Variants in XKR9 observed in about 807,000 individuals in gnomAD.
The protein encoded by XKR9 is XK-related protein 9.
In XKR9, 32 loss-of-function variants were observed where a neutral mutation model predicts 32.0. The ratio of observed to expected loss-of-function variants is 1.00; its 90% CI spans 0.76 to 1.34. The LOEUF is 1.34. Ranked by LOEUF, XKR9 falls within the 40% of genes most tolerant of loss-of-function variation. The pLI is 0.00. For synonymous variants in XKR9, 168 were observed against 143.4 expected (o/e 1.17, Z -1.22); for missense variants, 546 against 429.7 (o/e 1.27, Z -2.39).
At chr8:70,785,733 CTCTCTCTATA>C (rs1254352100) in intron 2 of XKR9, among the ~76,000 whole-genome samples, 5 of 112,156 alleles carry the variant, frequency 4.5e-5, no homozygotes, top group East Asian at 4.0e-4. Context: ...CTCTCTCTCT[CTCTCTCTATA>C]TATATATATA....
chr8:70,790,858 G>C (rs901128244), downstream of XKR9, among the ~76,000 whole-genome samples: 1 of 151,988 alleles, frequency 6.6e-6, no homozygotes, highest in Non-Finnish European at 1.5e-5. Flanking sequence ...AAAGATCAAG[G>C]TGCTGGCAGA....
chr8:70,755,120 A>G (rs1266525414), intron 2 of XKR9, among the ~76,000 whole-genome samples: 2 of 152,248 alleles, frequency 1.3e-5, no homozygotes, highest in African/African-American at 4.8e-5. Context: ...ACACTTCTCA[A>G]AAGAAGACAT....
chr8:70,725,348 G>A (rs1586860742), intron 4 of XKR9, among the ~76,000 whole-genome samples: 1 of 152,142 alleles, frequency 6.6e-6, no homozygotes, highest in African/African-American at 2.4e-5. Context: ...GAAGAAATGT[G>A]TGTATATATG....
intron 4 of XKR9, among the ~76,000 whole-genome samples, chr8:70,727,423 CAG>C (rs1406169800): frequency 2.0e-5 from 3 of 150,934 alleles, no homozygotes; most frequent in Admixed American, 6.6e-5. Flanking sequence ...TGTTTTGAGA[CAG>C]AGTCTCGCTC....
the XKR9 span, among the ~76,000 whole-genome samples, chr8:70,912,496 T>C: frequency 6.6e-6 from 1 of 152,136 alleles, no homozygotes; most frequent in Non-Finnish European, 1.5e-5. Flanking sequence ...GTATCTGCCA[T>C]GGTTAACTGG....
At chr8:70,956,002 G>T in the XKR9 span, among the ~76,000 whole-genome samples, 1 of 152,224 alleles carries the variant, frequency 6.6e-6, no homozygotes, top group African/African-American at 2.4e-5. Flanking sequence ...CTCCAAAGAA[G>T]GTGTCACAAC....
chr8:70,776,928 T>TCA (rs1807530221), intron 2 of XKR9, among the ~76,000 whole-genome samples: 1 of 44,436 alleles, frequency 2.3e-5, no homozygotes, highest in South Asian at 9.0e-4. Context: ...TTTCTTTCTC[T>TCA]CTCTCTCTCT....
At chr8:71,036,146 T>A in the XKR9 span, among the ~76,000 whole-genome samples, 3 of 152,188 alleles carry the variant, frequency 2.0e-5, no homozygotes, top group African/African-American at 7.2e-5. Flanking sequence ...CATTTATATG[T>A]TTTTCTCCTA....
At chr8:70,948,924 T>C in the XKR9 span, among the ~76,000 whole-genome samples, 2 of 152,230 alleles carry the variant, frequency 1.3e-5, no homozygotes, top group African/African-American at 4.8e-5. Context: ...CATATGTTTA[T>C]GGGCTCTTAG....
chr8:70,880,441 A>G, the XKR9 span, among the ~76,000 whole-genome samples: 11 of 152,340 alleles, frequency 7.2e-5, no homozygotes, highest in East Asian at 1.9e-3. Flanking sequence ...GATGCAAATC[A>G]ATGTGCAAAA....
At chr8:70,832,288 G>A in the XKR9 span, among the ~76,000 whole-genome samples, 1 of 152,262 alleles carries the variant, frequency 6.6e-6, no homozygotes, top group Middle Eastern at 3.4e-3. Context: ...AGGAGTCTGG[G>A]CATTCACGGG....
chr8:70,728,448 G>T (rs1348657018), intron 4 of XKR9, among the ~76,000 whole-genome samples: 1 of 152,098 alleles, frequency 6.6e-6, no homozygotes, highest in East Asian at 1.9e-4. Flanking sequence ...CATGTTAAAG[G>T]CGTTAGTATT....
Position 70,742,097 on chromosome 8 carries a change from A to G in XKR9, n.352+34944A>G, listed in dbSNP as rs149087863. 4.4e-4 allele frequency among the ~76,000 whole-genome samples: 67 copies of G among 152,040 alleles called. 1 individual carries two copies. Among genetic ancestry groups the G allele is most frequent in the African/African-American group, 1.4e-3 (59 of 41,460 alleles). On this transcript the variant is annotated intron_variant and non_coding_transcript_variant, in intron 2 of 3. Coordinates refer to the XKR9 transcript ENST00000520273. ...TTATGTGCTTATTGGCCATTCATAT[A>G]TCTTCTTTGGAGAACTCTCTATATT...
chr8:70,825,683 C>T, the XKR9 span, among the ~76,000 whole-genome samples: 1 of 152,064 alleles, frequency 6.6e-6, no homozygotes, highest in Non-Finnish European at 1.5e-5. Context: ...TTCTATGCCT[C>T]CCAAATTGCA....
At chr8:70,858,988 G>A in the XKR9 span, among the ~76,000 whole-genome samples, 4 of 151,918 alleles carry the variant, frequency 2.6e-5, no homozygotes, top group African/African-American at 9.7e-5. Flanking sequence ...AGGCAATTGA[G>A]GCAAACATAG....
At chr8:70,791,167 G>C (rs939812638), downstream of XKR9, among the ~76,000 whole-genome samples, 1 of 151,860 alleles carries the variant, frequency 6.6e-6, no homozygotes, top group Admixed American at 6.6e-5. Context: ...GAATACTTCC[G>C]CACTTCTGAA....
downstream of XKR9, among the ~76,000 whole-genome samples, chr8:70,740,511 G>C (rs865844836): frequency 6.6e-6 from 1 of 152,192 alleles, no homozygotes; most frequent in Non-Finnish European, 1.5e-5. Context: ...TTGCTGGTGA[G>C]GAACTGCGTT....
At chr8:71,046,884 T>C in the XKR9 span, among the ~76,000 whole-genome samples, 1 of 152,212 alleles carries the variant, frequency 6.6e-6, no homozygotes, top group African/African-American at 2.4e-5. Flanking sequence ...GTTGACTCCT[T>C]TGAGTCCTCT....
intron 4 of XKR9, among the ~76,000 whole-genome samples, chr8:70,713,353 T>A (rs532822314): frequency 2.0e-5 from 3 of 152,242 alleles, no homozygotes; most frequent in East Asian, 3.9e-4. Context: ...AGAGAAAGAA[T>A]GGAGTGGAAG....
Sources: allele counts gnomAD v4.1 joint callset (sites outside exome capture counted in the v4.1 genomes callset), GRCh38; gene constraint gnomAD v4.1.1; transcripts MANE v1.5; gene names NCBI Gene and HGNC (gene_info 2026-07-23, HGNC 2026-07-21).